Variants in BOC observed in about 807,000 individuals in gnomAD.
BOC encodes BOC cell adhesion associated, oncogene regulated.
BOC carries 76 observed loss-of-function variants against 112.0 expected under a neutral mutation model. The observed-to-expected ratio is 0.68, with a 90% CI of 0.56 to 0.82. The LOEUF is 0.82. Among genes scored for constraint, BOC ranks in the 40% least tolerant of loss-of-function variants. The probability of loss-of-function intolerance (pLI) is 0.00; values close to 1 mark genes in which losing one functional copy is unlikely to be tolerated. For missense variants in BOC, 1,309 were observed against 1,511.7 expected (o/e 0.87, Z 2.22); for synonymous variants, 580 against 599.8 (o/e 0.97, Z 0.48).
intron 7 of BOC, among the ~76,000 whole-genome samples, 161 bp from the exon 8 acceptor site, chr3:113,272,908 A>T (rs1227225344): frequency 6.6e-6 from 1 of 151,802 alleles, no homozygotes; most frequent in Non-Finnish European, 1.5e-5. Context: ...CATGATTCTG[A>T]TGGTGGAGAC....
rs372595039 is a variant in BOC, at chr3:113,285,353, C to G, written c.2967-19C>G. On this transcript the variant is annotated intron_variant, in intron 18 of 19. Transcript: ENST00000682979. ...ACCCTGCCCAGCCCCACCTCCCCAT[C>G]TGGGCTTGTGCACTGCAGGGGTCCC... 191 of 1,611,510 alleles carry G rather than the reference C, an allele frequency of 1.2e-4. No individual in the cohort carries two copies. Among genetic ancestry groups the G allele is most frequent in the Non-Finnish European group, 1.2e-4 (144 of 1,179,378 alleles).
intron 15 of BOC, among the ~76,000 whole-genome samples, chr3:113,282,182 C>G (rs1949259689): frequency 6.6e-6 from 1 of 152,048 alleles, no homozygotes; most frequent in Admixed American, 6.6e-5. Context: ...CCGGTGCAGC[C>G]AGGGAGAGCT....
chr3:113,260,911 C>G (rs562678245), intron 4 of BOC, among the ~76,000 whole-genome samples: 13 of 152,152 alleles, frequency 8.5e-5, no homozygotes, highest in African/African-American at 2.4e-4. Flanking sequence ...ACCATCCCCC[C>G]CAGTCTCCCC....
At position 113,274,355 on chromosome 3, in the gene BOC, G is replaced by C; in HGVS notation, c.1235-20G>C. ...AACCAGGAGACTAACCTTTCCTTCTGCTTCCTGTTGGTCCTCCAGGCATAA... is the reference window on the plus strand; with the variant it reads ...AACCAGGAGACTAACCTTTCCTTCTCCTTCCTGTTGGTCCTCCAGGCATAA... On this transcript the variant is annotated intron_variant, in intron 8 of 19. Transcript: ENST00000682979. The surrounding 1 kb of genome is among the most constrained non-coding windows in gnomAD (Gnocchi z 4.8). The C allele has an allele frequency of 6.7e-7, 1 of 1,489,900 alleles. No individual in the cohort carries two copies. The highest frequency in any genetic ancestry group is 8.9e-7 in the Non-Finnish European group (1 of 1,121,620). 92.3% of individuals were successfully genotyped at this position (1,489,900 alleles called of 1,614,324 possible).
In BOC at chr3:113,284,792, C is replaced by A. The variant is rs1415749841; in HGVS notation, c.2900C>A (p.Thr967Asn). 10 of 1,614,078 alleles carry A rather than the reference C, an allele frequency of 6.2e-6. No individual in the cohort carries two copies. The highest frequency in any genetic ancestry group is 8.5e-6 in the Non-Finnish European group (10 of 1,180,004). The part of the protein sequence containing the change: ...CPGELQQQSD[T>N]SSLLRQTHLG... ...CTTCCTTTTGAGCAGCAGAGTGACACCAGCAGCCTGCTGAGGCAGACCCAT... is the reference window on the plus strand; with the variant it reads ...CTTCCTTTTGAGCAGCAGAGTGACAACAGCAGCCTGCTGAGGCAGACCCAT... The change falls in exon 18 of 20, where the codon ACC becomes AAC. Residue 967 changes from threonine to asparagine, a missense_variant. By Grantham distance (65) the Thr-to-Asn change is moderately conservative (BLOSUM62 0). Transcript: ENST00000682979.
At chr3:113,272,102 C>G (rs1198356304) in intron 6 of BOC, 9 of 451,668 alleles carry the variant, frequency 2.0e-5, no homozygotes, top group Non-Finnish European at 2.0e-5. Flanking sequence ...TAAACTGCCT[C>G]TACACTCCCT....
intron 4 of BOC, among the ~76,000 whole-genome samples, chr3:113,265,766 C>T (rs1475217122): frequency 6.6e-6 from 1 of 152,154 alleles, no homozygotes; most frequent in Non-Finnish European, 1.5e-5. Context: ...ATGTAGGGTC[C>T]CTTGTTGAAG....
intron 4 of BOC, 104 bp downstream of exon 4, chr3:113,250,937 A>G (rs748003882): frequency 3.5e-6 from 5 of 1,413,524 alleles, no homozygotes; most frequent in Non-Finnish European, 4.8e-6. Context: ...CTTAGCATAA[A>G]ATGGGCCTTA....
chr3:113,284,432 T>C lies in BOC; in HGVS notation c.2754T>C (p.Ser918=). ...PLGGLPGHQA[S]GQPYLSGISG... ...GAGGACTCCCAGGCCACCAGGCCAG[T>C]GGACAGCCCTACCTCAGTGGCATCA... Residue 918 remains serine, a synonymous_variant, in exon 17 of 20, where the codon AGT becomes AGC. Coordinates refer to ENST00000682979, the MANE Select transcript of BOC (RefSeq NM_001378074.1). The C allele has an allele frequency of 6.2e-7, 1 of 1,614,248 alleles. No homozygotes were observed. The highest frequency in any genetic ancestry group is 8.5e-7 in the Non-Finnish European group (1 of 1,180,028).
intron 2 of BOC, among the ~76,000 whole-genome samples, chr3:113,239,147 A>T (rs1019943602): frequency 6.6e-6 from 1 of 152,246 alleles, no homozygotes; most frequent in Non-Finnish European, 1.5e-5. Flanking sequence ...TCTTGATTAC[A>T]TGTTGAAATT....
At chr3:113,259,228 C>G (rs761501574) in intron 4 of BOC, among the ~76,000 whole-genome samples, 1 of 152,188 alleles carries the variant, frequency 6.6e-6, no homozygotes, top group Non-Finnish European at 1.5e-5. Flanking sequence ...CCAAGGACAC[C>G]CTTAAGGACT....
chr3:113,270,589 C>T, intron 5 of BOC: 1 of 539,666 alleles, frequency 1.9e-6, no homozygotes. Flanking sequence ...TGGTTAGTTA[C>T]CTTTTCTCTC....
At chr3:113,281,912 C>T (rs889715497) in intron 15 of BOC, among the ~76,000 whole-genome samples, 4 of 152,206 alleles carry the variant, frequency 2.6e-5, no homozygotes, top group Non-Finnish European at 5.9e-5. Context: ...CCATCATGCA[C>T]ACCAGAGGGA....
intron 2 of BOC, among the ~76,000 whole-genome samples, chr3:113,234,103 A>C (rs905453834): frequency 1.3e-5 from 2 of 152,202 alleles, no homozygotes; most frequent in Non-Finnish European, 2.9e-5. Flanking sequence ...TGGGAGACTT[A>C]TAAACAAGTA....
At chr3:113,281,964 G>T (rs182406845) in intron 15 of BOC, among the ~76,000 whole-genome samples, 230 of 152,310 alleles carry the variant, frequency 1.5e-3, no homozygotes, top group African/African-American at 5.3e-3. Flanking sequence ...ATCACCTGGT[G>T]CAGGGAGTGC....
At chr3:113,218,299 A>G (rs1939878711) in intron 2 of BOC, among the ~76,000 whole-genome samples, 1 of 152,178 alleles carries the variant, frequency 6.6e-6, no homozygotes, top group Non-Finnish European at 1.5e-5. Flanking sequence ...AAGTGCCTTT[A>G]CTAGTCTGAG....
intron 12 of BOC, 63 bp downstream of exon 12, chr3:113,279,518 G>A (rs1365718000): frequency 3.3e-6 from 5 of 1,493,632 alleles, no homozygotes; most frequent in African/African-American, 1.4e-5. Flanking sequence ...CCGCCTGGAG[G>A]AGGATGACGA....
At chr3:113,221,127 C>G (rs1940552564) in intron 2 of BOC, among the ~76,000 whole-genome samples, 1 of 152,194 alleles carries the variant, frequency 6.6e-6, no homozygotes. Context: ...TACGTAGACA[C>G]TGAGAACCAG....
At chr3:113,233,687 T>G (rs1389935290) in intron 2 of BOC, among the ~76,000 whole-genome samples, 1 of 152,144 alleles carries the variant, frequency 6.6e-6, no homozygotes, top group Non-Finnish European at 1.5e-5. Context: ...GCTGGGGACC[T>G]CACCGCTGCC....
Sources: allele counts gnomAD v4.1 joint callset (sites outside exome capture counted in the v4.1 genomes callset), GRCh38; gene constraint gnomAD v4.1.1; non-coding constraint Gnocchi (gnomAD v3.1); transcripts MANE v1.5; gene names NCBI Gene and HGNC (gene_info 2026-07-23, HGNC 2026-07-21).